The following PCDHGB1 variants were observed in gnomAD, a reference collection of about 807,000 sequenced individuals.
PCDHGB1 encodes protocadherin gamma subfamily B, 1, also known as protocadherin gamma-B1.
In PCDHGB1, 34 loss-of-function variants were observed where a neutral mutation model predicts 56.6. That is an observed-to-expected ratio of 0.60 (90% CI 0.46 to 0.80). The LOEUF (loss-of-function observed/expected upper bound fraction) is 0.80. Ranked by LOEUF, PCDHGB1 falls within the 30% of genes least tolerant of loss-of-function variation. The probability of loss-of-function intolerance (pLI) is 0.00; values close to 1 mark genes in which losing one functional copy is unlikely to be tolerated. For missense variants in PCDHGB1, 1,278 were observed against 1,204.6 expected (o/e 1.06, Z -0.90); for synonymous variants, 561 against 505.9 (o/e 1.11, Z -1.46).
At chr5:141,357,661 T>G (rs767998878) in intron 1 of PCDHGB1, 2 of 1,605,092 alleles carry the variant, frequency 1.2e-6, no homozygotes, top group South Asian at 2.2e-5. Context: ...CACTGAAATA[T>G]AGACAAAGAG....
At chr5:141,413,687 T>A (rs1470256826) in intron 1 of PCDHGB1, 5 of 1,613,666 alleles carry the variant, frequency 3.1e-6, no homozygotes, top group Non-Finnish European at 3.4e-6. Flanking sequence ...GTGAACTCCC[T>A]GCAGAGCTAT....
intron 3 of PCDHGB1, among the ~76,000 whole-genome samples, chr5:141,506,198 C>T (rs985517638): frequency 3.3e-5 from 5 of 152,156 alleles, no homozygotes; most frequent in Admixed American, 6.5e-5. Context: ...CGCCTGTAAT[C>T]CCAGCACTTT....
Position 141,384,300 on chromosome 5 carries a change from AG to A in PCDHGB1, c.2409+31635del, listed in dbSNP as rs751826409. The A allele has an allele frequency of 3.1e-6, 5 of 1,613,658 alleles. No homozygotes were observed. In the Admixed American group the frequency reaches 8.3e-5, roughly 27 times the overall value. On this transcript the variant is annotated intron_variant, in intron 1 of 3. Transcript: ENST00000523390. ...TCTACATCGCTGAGAACAACCCCAG[AG>A]GGGCCTCCATTTTCTTAGTGACTGC...
chr5:141,434,178 G>C (rs960680568), intron 1 of PCDHGB1, among the ~76,000 whole-genome samples: 1 of 152,178 alleles, frequency 6.6e-6, no homozygotes, highest in African/African-American at 2.4e-5. Flanking sequence ...TTATATCCAA[G>C]ATTTGTAATT....
intron 1 of PCDHGB1, chr5:141,385,702 C>A: frequency 3.6e-6 from 1 of 278,020 alleles, no homozygotes; most frequent in Non-Finnish European, 5.7e-6. Context: ...TTCTCTTTAG[C>A]ATTCAAATAT....
intron 1 of PCDHGB1, chr5:141,427,497 G>C (rs775492626): frequency 1.6e-5 from 9 of 568,020 alleles, no homozygotes; most frequent in African/African-American, 3.7e-5. Flanking sequence ...GCTTGTAACA[G>C]ATGGGACCCT....
intron 1 of PCDHGB1, among the ~76,000 whole-genome samples, chr5:141,437,490 A>C (rs549866784): frequency 6.6e-6 from 1 of 152,190 alleles, no homozygotes; most frequent in African/African-American, 2.4e-5. Flanking sequence ...AATCTCGTAG[A>C]TCACTTTTCA....
At chr5:141,365,761 TGACCCC>T in intron 1 of PCDHGB1, 1 of 1,613,834 alleles carries the variant, frequency 6.2e-7, no homozygotes, top group Non-Finnish European at 8.5e-7. Context: ...TGACAGCCCA[TGACCCC>T]GACAGCGGCG....
Position 141,447,955 on chromosome 5 carries a change from G to A in PCDHGB1, c.2410-46852G>A, listed in dbSNP as rs536740280. On this transcript the variant is annotated intron_variant, in intron 1 of 3. Coordinates refer to ENST00000523390, the MANE Select transcript of PCDHGB1 (RefSeq NM_018922.3). ...ACAAAAATTAGCTGGGCATGGTGGC[G>A]GACACCTATAATCCCAGCTACTCGG... Among the ~76,000 whole-genome samples the A allele has an allele frequency of 1.6e-4, 24 of 151,898 alleles. 1 individual carries two copies. The highest frequency in any genetic ancestry group is 8.3e-4 in the South Asian group (4 of 4,816).
rs1220705648 is a variant in PCDHGB1 at position 141,352,274 on chromosome 5, A to G, written c.2014A>G (p.Ser672Gly). The change falls in exon 1 of 4, where the codon AGC becomes GGC. Residue 672 changes from serine to glycine, a missense_variant. Transcript: ENST00000523390. Reference protein sequence around the residue: ...DSLQEVLPDLSDRPEPSDPQT... With the variant: ...DSLQEVLPDLGDRPEPSDPQT... ...CCTGCAAGAGGTATTGCCAGACCTCAGCGACCGCCCTGAGCCCTCTGACCC... is the reference window on the plus strand; with the variant it reads ...CCTGCAAGAGGTATTGCCAGACCTCGGCGACCGCCCTGAGCCCTCTGACCC... 1 of 1,614,064 alleles carries G rather than the reference A, an allele frequency of 6.2e-7. No individual in the cohort carries two copies. The highest frequency in any genetic ancestry group is 2.2e-5 in the East Asian group (1 of 44,876).
chr5:141,436,931 G>A (rs1026520169), intron 1 of PCDHGB1, among the ~76,000 whole-genome samples: 1 of 152,114 alleles, frequency 6.6e-6, no homozygotes, highest in Non-Finnish European at 1.5e-5. Context: ...CTTTTTCTTT[G>A]TCTGAACCAT....
intron 1 of PCDHGB1, chr5:141,426,993 G>A (rs1331210977): frequency 1.1e-5 from 5 of 456,742 alleles, no homozygotes; most frequent in Middle Eastern, 3.3e-4. Context: ...CAACGATAAT[G>A]CCCCAGTTTT....
At position 141,385,031 on chromosome 5, in the gene PCDHGB1, T is replaced by C; in HGVS notation, c.2409+32362T>C. The C allele has an allele frequency of 1.9e-6, 3 of 1,614,190 alleles. No individual in the cohort carries two copies. The African/African-American group carries it at 4.0e-5, about 21-fold the overall frequency. The stretch of plus-strand genomic sequence containing the variant: ...GTCTTCCTAGCCTTCGTCCTCGTAC[T>C]GCTGGCGCTCAGGCTGCGGCGCTGG... On this transcript the variant is annotated intron_variant, in intron 1 of 3. Coordinates refer to ENST00000523390, the MANE Select transcript of PCDHGB1 (RefSeq NM_018922.3).
At chr5:141,494,676 CT>C (rs2099756021) in intron 1 of PCDHGB1, 130 bp from the exon 2 acceptor site, 6 of 1,550,918 alleles carry the variant, frequency 3.9e-6, no homozygotes, top group Non-Finnish European at 4.4e-6. Context: ...GAGTCCACCC[CT>C]GCCCCCTCTT....
chr5:141,350,322 CTT>C lies in PCDHGB1; in HGVS notation c.64_65del (p.Leu22ValfsTer45). 6.5e-7 allele frequency: 1 copy of C among 1,532,296 alleles called. No individual in the cohort carries two copies. Among genetic ancestry groups the C allele is most frequent in the South Asian group, 1.3e-5 (1 of 76,226 alleles). The allele number at this position is 1,532,296 out of a possible 1,614,324, so 94.9% of individuals were successfully genotyped here. A position where few individuals can be genotyped will look rare whatever the true frequency, so the allele number is the denominator to read the frequency against. On this transcript the variant is annotated frameshift_variant, in exon 1 of 4. Coordinates refer to ENST00000523390, the MANE Select transcript of PCDHGB1 (RefSeq NM_018922.3). LOFTEE classifies it high-confidence loss of function. ...CAGGTACTGTTTCCCTTCCTGCTGTCTTTGTTCTGCGGGGCCATCTCCCAGCA... is the reference window on the plus strand; with the variant it reads ...CAGGTACTGTTTCCCTTCCTGCTGTCTGTTCTGCGGGGCCATCTCCCAGCA...
At position 141,366,680 on chromosome 5, in the gene PCDHGB1, A is replaced by T. The variant is rs747876337; in HGVS notation, c.2409+14011A>T. Reference sequence around the variant, plus strand: ...CGCAGACACGCTCCTTAGTGAAGAGAGCTGTGAGAAAAGCGAGCCTCTTCT... The same window carrying T: ...CGCAGACACGCTCCTTAGTGAAGAGTGCTGTGAGAAAAGCGAGCCTCTTCT... On this transcript the variant is annotated intron_variant, in intron 1 of 3. Transcript: ENST00000523390. 1.3e-5 allele frequency: 21 copies of T among 1,614,096 alleles called. No individual in the cohort carries two copies. The East Asian group carries it at 4.2e-4, about 33-fold the overall frequency.
In PCDHGB1 at chr5:141,476,178, T is replaced by G; in HGVS notation, c.2410-18629T>G. Reference sequence around the variant, plus strand: ...ACCGGGAGGGTAGTGGGAGTTTTGCTTCTGCTTGGTGCCTTGAACAAGGCT... The same window carrying G: ...ACCGGGAGGGTAGTGGGAGTTTTGCGTCTGCTTGGTGCCTTGAACAAGGCT... On this transcript the variant is annotated intron_variant, in intron 1 of 3. Transcript: ENST00000523390. This position sits in a 1 kb window ranked among gnomAD's most constrained non-coding sequence, Gnocchi z 7.6. The G allele has an allele frequency of 3.1e-6, 5 of 1,613,632 alleles. No homozygotes were observed. Among genetic ancestry groups the G allele is most frequent in the Non-Finnish European group, 4.2e-6 (5 of 1,180,000 alleles).
At chr5:141,398,162 A>G (rs1037240871) in intron 1 of PCDHGB1, 45 of 1,481,274 alleles carry the variant, frequency 3.0e-5, no homozygotes, top group Non-Finnish European at 4.0e-5. Flanking sequence ...GGCCGGGCTG[A>G]GAGGCTGCCA....
chr5:141,399,332 C>T (rs2093787388), intron 1 of PCDHGB1: 1 of 1,613,994 alleles, frequency 6.2e-7, no homozygotes, highest in Non-Finnish European at 8.5e-7. Flanking sequence ...AAGTTGGTAA[C>T]AGATGGAACC....
Sources: gnomAD v4.1 joint callset for allele counts (sites outside exome capture counted in the v4.1 genomes callset) on GRCh38, gnomAD v4.1.1 for gene constraint, Gnocchi (gnomAD v3.1) non-coding constraint, MANE v1.5 for transcripts, NCBI Gene and HGNC (gene_info 2026-07-23, HGNC 2026-07-21) for gene names.